ZP3: variants seen among roughly 807,000 people sequenced by gnomAD.
ZP3 encodes the protein zona pellucida sperm-binding protein 3.
ZP3 carries 21 observed loss-of-function variants against 35.6 expected under a neutral mutation model. The observed-to-expected ratio is 0.59, with a 90% CI of 0.42 to 0.85. The LOEUF is 0.85. ZP3 is among the 40% of genes least tolerant of loss of function. ZP3 has a pLI of 0.00. For missense variants in ZP3, 437 were observed against 536.5 expected (o/e 0.81, Z 1.83); for synonymous variants, 207 against 214.5 (o/e 0.96, Z 0.31).
intron 1 of ZP3, among the ~76,000 whole-genome samples, chr7:76,418,533 G>C (rs186014192): frequency 3.4e-5 from 4 of 116,824 alleles, no homozygotes; most frequent in Admixed American, 2.8e-4. Context: ...CCTGGGCCAC[G>C]GAGCGAGATT....
At chr7:76,437,030 A>T (rs1451485606) in intron 5 of ZP3, among the ~76,000 whole-genome samples, 2 of 151,782 alleles carry the variant, frequency 1.3e-5, no homozygotes, top group Non-Finnish European at 2.9e-5. Context: ...TTTCAGAGCA[A>T]TAGGGTGGCT....
At chr7:76,429,658 C>T (rs759556880) in intron 2 of ZP3, 25 bp downstream of exon 2, 6 of 1,598,712 alleles carry the variant, frequency 3.8e-6, no homozygotes, top group Non-Finnish European at 5.1e-6. Context: ...GACTCATGGC[C>T]CCTGGTGCAA....
At chr7:76,404,711 G>A (rs921777458) in intron 1 of ZP3, among the ~76,000 whole-genome samples, 17 of 151,060 alleles carry the variant, frequency 1.1e-4, no homozygotes, top group Admixed American at 4.6e-4. Context: ...CGGGTGGATC[G>A]CTTGAACCCA....
chr7:76,437,074 C>T (rs1367971723), intron 5 of ZP3, among the ~76,000 whole-genome samples: 2 of 151,728 alleles, frequency 1.3e-5, no homozygotes, highest in South Asian at 2.1e-4. Context: ...ATCCCAGCAC[C>T]TTGGGAGGCC....
At chr7:76,419,699 C>A (rs55718469) in intron 1 of ZP3, among the ~76,000 whole-genome samples, 1 of 144,760 alleles carries the variant, frequency 6.9e-6, no homozygotes, top group Non-Finnish European at 1.5e-5. Context: ...CTCTCTCTCT[C>A]CCTTCCTTCC....
At chr7:76,404,397 C>T (rs1299503678) in intron 1 of ZP3, 39 of 1,613,954 alleles carry the variant, frequency 2.4e-5, no homozygotes, top group Non-Finnish European at 3.2e-5. Context: ...CAGCGCTTCT[C>T]ATCCAGCTGG....
chr7:76,438,100 G>A (rs760135283), intron 5 of ZP3, among the ~76,000 whole-genome samples: 171 of 152,264 alleles, frequency 1.1e-3, no homozygotes, highest in Non-Finnish European at 1.4e-3. Context: ...CTGCTGGAAG[G>A]TGGCAGAATT....
chr7:76,436,020 C>T (rs1194566701), intron 5 of ZP3, among the ~76,000 whole-genome samples: 11 of 145,890 alleles, frequency 7.5e-5, no homozygotes, highest in Non-Finnish European at 1.5e-4. Context: ...CACCACGCGC[C>T]CCCCGCCCCC....
chr7:76,417,885 A>T (rs1051070150), intron 1 of ZP3, among the ~76,000 whole-genome samples: 9 of 150,526 alleles, frequency 6.0e-5, no homozygotes, highest in African/African-American at 2.2e-4. Context: ...AAGCACTGGG[A>T]TTACAGGCAT....
chr7:76,400,693 A>G (rs1294499004), intron 1 of ZP3: 1 of 1,274,816 alleles, frequency 7.8e-7, no homozygotes, highest in Non-Finnish European at 1.0e-6. Flanking sequence ...TTTTTGGTAG[A>G]GACGGGGTCT....
upstream of ZP3, among the ~76,000 whole-genome samples, chr7:76,423,166 TGA>T (rs1295720371): frequency 7.3e-6 from 1 of 136,364 alleles, no homozygotes; most frequent in Middle Eastern, 4.0e-3. Context: ...GGAGGCAGCA[TGA>T]GAGAGAGAGG....
intron 1 of ZP3, among the ~76,000 whole-genome samples, chr7:76,413,812 G>A (rs190453727): frequency 1.3e-5 from 2 of 151,296 alleles, no homozygotes; most frequent in Non-Finnish European, 1.5e-5. Flanking sequence ...GACTACAGGC[G>A]TGCGCCACCA....
intron 1 of ZP3, chr7:76,397,938 G>T: frequency 2.6e-6 from 3 of 1,138,396 alleles, no homozygotes; most frequent in South Asian, 1.6e-5. Context: ...TTGGGCATCT[G>T]CTCACCCCGC....
chr7:76,405,172 C>T (rs1368865699), intron 1 of ZP3, among the ~76,000 whole-genome samples: 8 of 139,076 alleles, frequency 5.8e-5, no homozygotes, highest in African/African-American at 2.1e-4. Flanking sequence ...GGCACAATCT[C>T]GGCTCACTGC....
intron 5 of ZP3, 78 bp from the exon 6 acceptor site, chr7:76,440,172 G>A (rs1806152955): frequency 6.7e-7 from 1 of 1,484,062 alleles, no homozygotes; most frequent in Admixed American, 2.0e-5. Context: ...AAGGGTTGAG[G>A]GTTATAAGAG....
intron 2 of ZP3, among the ~76,000 whole-genome samples, chr7:76,431,431 G>C (rs942982162): frequency 6.6e-6 from 1 of 152,156 alleles, no homozygotes; most frequent in Non-Finnish European, 1.5e-5. Flanking sequence ...ACCTGAGTCT[G>C]GTTATCAATA....
intron 7 of ZP3, 152 bp from the exon 8 acceptor site, chr7:76,441,690 G>A (rs1806204585): frequency 3.1e-6 from 4 of 1,274,832 alleles, no homozygotes; most frequent in Non-Finnish European, 4.5e-6. Flanking sequence ...ACCTGGCCGA[G>A]AAAGCTGTGT....
chr7:76,399,069 T>C (rs1175733569), intron 1 of ZP3, among the ~76,000 whole-genome samples: 1 of 152,154 alleles, frequency 6.6e-6, no homozygotes, highest in African/African-American at 2.4e-5. Context: ...TGGAGTGCAA[T>C]GGTGCAATCT....
chr7:76,413,120 G>A (rs901449862), intron 1 of ZP3, among the ~76,000 whole-genome samples: 2 of 145,660 alleles, frequency 1.4e-5, no homozygotes, highest in African/African-American at 2.5e-5. Context: ...GTGCCACTGC[G>A]CCCAGCTAAT....
Sources: gnomAD v4.1 joint callset for allele counts (sites outside exome capture counted in the v4.1 genomes callset) on GRCh38, gnomAD v4.1.1 for gene constraint, MANE v1.5 for transcripts, NCBI Gene and HGNC (gene_info 2026-07-23, HGNC 2026-07-21) for gene names.